ABR: variants seen among roughly 807,000 people sequenced by gnomAD.
ABR encodes ABR activator of RhoGEF and GTPase.
ABR carries 35 observed loss-of-function variants against 107.2 expected under a neutral mutation model. The ratio of observed to expected loss-of-function variants is 0.33; its 90% confidence interval spans 0.25 to 0.43. The LOEUF (loss-of-function observed/expected upper bound fraction) is 0.43. Ranked by LOEUF, ABR falls within the 20% of genes least tolerant of loss-of-function variation. The probability of loss-of-function intolerance (pLI) is 1.00; values close to 1 mark genes in which losing one functional copy is unlikely to be tolerated. For synonymous variants in ABR, 498 were observed against 462.0 expected, an observed-to-expected ratio of 1.08 and a Z score of -1.00; for missense variants, 815 against 1,115.2, an observed-to-expected ratio of 0.73 and a Z score of 3.83.
chr17:1,144,284 C>T lies in ABR; in HGVS notation c.62-18917G>A, dbSNP rs118006227. Among the ~76,000 whole-genome samples, 688 of 152,266 alleles carry T rather than the reference C, an allele frequency of 4.5e-3. 36 individuals carry two copies. The East Asian group carries it at 0.11, about 24-fold the overall frequency. ...GGCATGTGTACGCAAGCAACAGCCA[C>T]TCAACAAACATCTCCTAAGCTATCA... On this transcript the variant is annotated intron_variant, in intron 1 of 22. Coordinates refer to ENST00000302538, the MANE Select transcript of ABR (RefSeq NM_021962.5).
intron 22 of ABR, 48 bp from the exon 23 acceptor site, chr17:1,006,217 C>T (rs372014888): frequency 1.1e-5 from 16 of 1,474,468 alleles, no homozygotes; most frequent in East Asian, 4.9e-5. Flanking sequence ...TCCTAGGCCT[C>T]GTCCTTGCTG....
At position 1,179,223 on chromosome 17, in the gene ABR, G is replaced by A. The variant is rs74659320; in HGVS notation, c.61+444C>T. ...CCGGTGCCCCTGGGGTGGCAAACTCGGGTGCCAACGACTGCTCCCAAAACG... is the reference window on the plus strand; with the variant it reads ...CCGGTGCCCCTGGGGTGGCAAACTCAGGTGCCAACGACTGCTCCCAAAACG... On this transcript the variant is annotated intron_variant, in intron 1 of 22. Transcript: ENST00000302538. This position sits in a 1 kb window ranked among gnomAD's most constrained non-coding sequence, Gnocchi z 4.9. Among the ~76,000 whole-genome samples, 13 of 151,786 alleles carry A rather than the reference G, an allele frequency of 8.6e-5. No homozygotes were observed. The highest frequency in any genetic ancestry group is 1.8e-4 in the Non-Finnish European group (12 of 67,902).
rs539735950 is a variant in ABR, at chr17:1,058,283, G to A, written c.1306-238C>T. ...GCCTCCTGAGTAGCTGGGATTACAG[G>A]TGCCCACCACCACGCCCGGCTAATT... On this transcript the variant is annotated intron_variant, in intron 11 of 22. Coordinates refer to ENST00000302538, the MANE Select transcript of ABR (RefSeq NM_021962.5). 3.2e-4 allele frequency among the ~76,000 whole-genome samples: 49 copies of A among 152,146 alleles called. 1 individual carries two copies. The East Asian group carries it at 8.3e-3, about 26-fold the overall frequency.
In ABR at chr17:1,129,773, C is replaced by T. The variant is rs564865947; in HGVS notation, c.62-4406G>A. ...AACAGCCTGGCCAACATGGTGAAAC[C>T]CCCTCTCTACTAAAAATACAAAAAT... On this transcript the variant is annotated intron_variant, in intron 1 of 22. Transcript: ENST00000302538. 2.6e-5 allele frequency among the ~76,000 whole-genome samples: 4 copies of T among 152,196 alleles called. No homozygotes were observed. In the East Asian group the frequency reaches 7.7e-4, roughly 29 times the overall value.
chr17:1,198,530 A>G (rs952602359), intron 1 of ABR, among the ~76,000 whole-genome samples: 8 of 151,006 alleles, frequency 5.3e-5, no homozygotes, highest in Non-Finnish European at 1.2e-4. Flanking sequence ...ATCACCTGAG[A>G]TCAGGAGTTC....
At chr17:1,156,864 C>T (rs2041065239) in intron 1 of ABR, among the ~76,000 whole-genome samples, 1 of 152,184 alleles carries the variant, frequency 6.6e-6, no homozygotes, top group Non-Finnish European at 1.5e-5. Context: ...GATCTGAATA[C>T]AGGCAGCCTG....
intron 16 of ABR, among the ~76,000 whole-genome samples, chr17:1,032,221 A>G (rs1221524250): frequency 6.6e-6 from 1 of 152,106 alleles, no homozygotes; most frequent in Non-Finnish European, 1.5e-5. Flanking sequence ...TCCCCGGGCA[A>G]AAGACTCTGA....
At chr17:1,067,984 G>C (rs772308923) in intron 9 of ABR, among the ~76,000 whole-genome samples, 1 of 152,122 alleles carries the variant, frequency 6.6e-6, no homozygotes, top group Non-Finnish European at 1.5e-5. Flanking sequence ...CCAGGCTGGA[G>C]TGCAATGGCG....
intron 1 of ABR, among the ~76,000 whole-genome samples, chr17:1,194,692 T>C (rs1376856059): frequency 2.5e-5 from 3 of 119,500 alleles, no homozygotes; most frequent in African/African-American, 2.8e-5. Flanking sequence ...CTCGCTCTGT[T>C]GCCCAGGCTG....
chr17:1,107,009 C>T (rs145159386), intron 2 of ABR, among the ~76,000 whole-genome samples: 325 of 152,336 alleles, frequency 2.1e-3, no homozygotes, highest in African/African-American at 7.6e-3. Context: ...TTCTTCCCAC[C>T]GCTCTGTGGC....
chr17:1,225,240 C>T (rs1028333650), intron 1 of ABR, among the ~76,000 whole-genome samples: 1 of 152,054 alleles, frequency 6.6e-6, no homozygotes, highest in Non-Finnish European at 1.5e-5. Context: ...TCAAGCAGTC[C>T]TCCCACCTCA....
chr17:1,146,883 ACCACTGCCG>A lies in ABR; in HGVS notation c.62-21525_62-21517del, dbSNP rs1337722081. ...ACCACTGCCACCATTGCTACATGACACCACTGCCGCCACTGCCACCACTGCCACCATGAC... is the reference window on the plus strand; with the variant it reads ...ACCACTGCCACCATTGCTACATGACACCACTGCCACCACTGCCACCATGAC... On this transcript the variant is annotated intron_variant, in intron 1 of 22. Coordinates refer to ENST00000302538, the MANE Select transcript of ABR (RefSeq NM_021962.5). Among the ~76,000 whole-genome samples the A allele has an allele frequency of 1.7e-4, 23 of 136,410 alleles. No individual in the cohort carries two copies. The South Asian group carries it at 2.1e-3, about 13-fold the overall frequency. The allele number at this position is 136,410 out of a possible 152,430, so 89.5% of individuals were successfully genotyped here. A position where few individuals can be genotyped will look rare whatever the true frequency, so the allele number is the denominator to read the frequency against.
chr17:1,195,250 T>C (rs1156893741), intron 1 of ABR, among the ~76,000 whole-genome samples: 2 of 132,660 alleles, frequency 1.5e-5, no homozygotes, highest in Non-Finnish European at 3.2e-5. Context: ...GAGCTTGCAG[T>C]GAGCGGAGAT....
At position 1,051,154 on chromosome 17, in the gene ABR, C is replaced by T. The variant is rs533665336; in HGVS notation, c.1562-520G>A. ...TGAATGCTCGGAGCATCCCCTGCCG[C>T]GGTGACGACCAACAACGCCCACATC... is the stretch of plus-strand genomic sequence containing the variant. On this transcript the variant is annotated intron_variant, in intron 14 of 22. Coordinates refer to ENST00000302538, the MANE Select transcript of ABR (RefSeq NM_021962.5). The surrounding 1 kb of genome is among the most constrained non-coding windows in gnomAD (Gnocchi z 4.3). 5.9e-5 allele frequency among the ~76,000 whole-genome samples: 9 copies of T among 152,246 alleles called. No homozygotes were observed. Among genetic ancestry groups the T allele is most frequent in the African/African-American group, 1.9e-4 (8 of 41,538 alleles).
intron 3 of ABR, among the ~76,000 whole-genome samples, chr17:1,094,579 C>G (rs141973580): frequency 1.6e-3 from 250 of 152,228 alleles, no homozygotes; most frequent in African/African-American, 5.7e-3. Context: ...CCATATTGGT[C>G]AGGCTGGTCT....
At chr17:1,012,956 G>A (rs1392052064) in intron 17 of ABR, 149 bp downstream of exon 17, 5 of 1,087,542 alleles carry the variant, frequency 4.6e-6, no homozygotes, top group South Asian at 2.6e-5. Flanking sequence ...CGGGCAGGGT[G>A]TGGGCAGGAG....
At chr17:1,025,453 C>T (rs925228334) in intron 16 of ABR, among the ~76,000 whole-genome samples, 2 of 152,202 alleles carry the variant, frequency 1.3e-5, no homozygotes, top group Admixed American at 6.5e-5. Context: ...CAGAACTGTG[C>T]TTGAACACCC....
chr17:1,029,656 C>T (rs1174179037), intron 16 of ABR, among the ~76,000 whole-genome samples: 2 of 152,162 alleles, frequency 1.3e-5, no homozygotes, highest in African/African-American at 4.8e-5. Flanking sequence ...AGCCCCTCGG[C>T]CCAACTGTGA....
intron 1 of ABR, among the ~76,000 whole-genome samples, chr17:1,146,349 C>T (rs943785141): frequency 1.4e-4 from 21 of 151,878 alleles, no homozygotes; most frequent in African/African-American, 3.9e-4. Context: ...ATTCAGCCCC[C>T]GGCCTCTCTG....
Sources: allele counts gnomAD v4.1 joint callset (sites outside exome capture counted in the v4.1 genomes callset), GRCh38; gene constraint gnomAD v4.1.1; non-coding constraint Gnocchi (gnomAD v3.1); transcripts MANE v1.5; gene names NCBI Gene and HGNC (gene_info 2026-07-23, HGNC 2026-07-21).